The following GRIA1 variants were observed in gnomAD, a reference collection of about 807,000 sequenced individuals.
GRIA1 encodes the protein glutamate receptor 1.
A neutral mutation model predicts 99.2 loss-of-function variants in GRIA1; 31 were observed. That is an observed-to-expected ratio of 0.31 (90% CI 0.23 to 0.42). The LOEUF (loss-of-function observed/expected upper bound fraction) is 0.42, where lower values mean the gene tolerates loss of function less well. Ranked by LOEUF, GRIA1 falls within the 10% of genes least tolerant of loss-of-function variation. GRIA1 has a pLI of 1.00. For missense variants in GRIA1, 782 were observed against 1,157.5 expected (o/e 0.68, Z 4.71); for synonymous variants, 438 against 432.4 (o/e 1.01, Z -0.16).
At chr5:153,805,262 T>C (rs1766350986) in intron 15 of GRIA1, among the ~76,000 whole-genome samples, 1 of 152,172 alleles carries the variant, frequency 6.6e-6, no homozygotes, top group South Asian at 2.1e-4. Flanking sequence ...AAACTTTCCT[T>C]TTATTATCCC....
At chr5:153,654,462 T>C (rs1265203779) in intron 4 of GRIA1, among the ~76,000 whole-genome samples, 2 of 152,078 alleles carry the variant, frequency 1.3e-5, no homozygotes, top group Admixed American at 1.3e-4. Context: ...TTGATAAAGG[T>C]GTCTCATTGT....
At chr5:153,609,315 G>T (rs969357024) in intron 2 of GRIA1, among the ~76,000 whole-genome samples, 13 of 152,020 alleles carry the variant, frequency 8.6e-5, no homozygotes, top group Middle Eastern at 6.8e-3. Context: ...TAAATATTTT[G>T]CCCAGCTTTT....
chr5:153,512,967 C>T (rs1464759117), intron 2 of GRIA1, among the ~76,000 whole-genome samples: 1 of 152,084 alleles, frequency 6.6e-6, no homozygotes, highest in Non-Finnish European at 1.5e-5. Flanking sequence ...GCACATGCAC[C>T]AAAGTAAGGT....
At chr5:153,521,828 C>T (rs1232718612) in intron 2 of GRIA1, among the ~76,000 whole-genome samples, 1 of 152,232 alleles carries the variant, frequency 6.6e-6, no homozygotes, top group East Asian at 1.9e-4. Context: ...CCACATCTCA[C>T]ATTGAATCTG....
chr5:153,658,739 G>C (rs756972414), intron 5 of GRIA1, among the ~76,000 whole-genome samples: 5 of 152,148 alleles, frequency 3.3e-5, no homozygotes, highest in African/African-American at 9.7e-5. Context: ...AGAGACCAAG[G>C]AAGGCTTTGA....
At chr5:153,793,650 C>T (rs1765457099) in intron 13 of GRIA1, among the ~76,000 whole-genome samples, 1 of 152,206 alleles carries the variant, frequency 6.6e-6, no homozygotes, top group Admixed American at 6.5e-5. Context: ...TGAACAGGGT[C>T]TCAGAGGGCA....
At chr5:153,697,017 A>G (rs527654775) in intron 8 of GRIA1, among the ~76,000 whole-genome samples, 111 of 152,316 alleles carry the variant, frequency 7.3e-4, no homozygotes, top group Non-Finnish European at 1.4e-3. Context: ...CTTTTGGGCT[A>G]ACTCTATCTT....
chr5:153,529,656 G>A (rs916289732), intron 2 of GRIA1, among the ~76,000 whole-genome samples: 2 of 152,162 alleles, frequency 1.3e-5, no homozygotes, highest in Non-Finnish European at 2.9e-5. Context: ...AAACGTGCAG[G>A]ATTGCAGACT....
chr5:153,731,432 C>T lies in GRIA1; in HGVS notation c.1823+25365C>T, dbSNP rs577214365. ...CTTTCTCAGGGGACCCTTTCCTGAT[C>T]TCAGCTCCACCTGCTAGGACAGCCT... On this transcript the variant is annotated intron_variant, in intron 11 of 15. Transcript: ENST00000285900. 1.3e-4 allele frequency among the ~76,000 whole-genome samples: 20 copies of T among 152,164 alleles called. No individual in the cohort carries two copies. The South Asian group carries it at 4.2e-3, about 32-fold the overall frequency.
chr5:153,757,100 A>C (rs1762882580), intron 11 of GRIA1, among the ~76,000 whole-genome samples: 1 of 152,232 alleles, frequency 6.6e-6, no homozygotes, highest in Admixed American at 6.5e-5. Flanking sequence ...TTTAACAGAG[A>C]GATTGCAACA....
At chr5:153,781,040 G>A (rs1764595482) in intron 13 of GRIA1, among the ~76,000 whole-genome samples, 1 of 152,158 alleles carries the variant, frequency 6.6e-6, no homozygotes. Flanking sequence ...AACCCATGCT[G>A]AGAAATTCCC....
At chr5:153,791,049 C>T (rs895754514) in intron 13 of GRIA1, among the ~76,000 whole-genome samples, 3 of 152,070 alleles carry the variant, frequency 2.0e-5, no homozygotes, top group African/African-American at 7.2e-5. Context: ...AGTGAATCTG[C>T]TGGAGGGCAA....
chr5:153,524,085 TG>T (rs1223940463), intron 2 of GRIA1, among the ~76,000 whole-genome samples: 2 of 152,204 alleles, frequency 1.3e-5, no homozygotes. Flanking sequence ...CCCAGCACTT[TG>T]GGACGCTGAG....
chr5:153,622,763 G>A (rs1767181325), intron 2 of GRIA1, among the ~76,000 whole-genome samples: 1 of 152,088 alleles, frequency 6.6e-6, no homozygotes, highest in South Asian at 2.1e-4. Context: ...ACTCCACCAA[G>A]CTCTTTGCTG....
chr5:153,725,382 A>G (rs1760440470), intron 11 of GRIA1, among the ~76,000 whole-genome samples: 1 of 149,974 alleles, frequency 6.7e-6, no homozygotes, highest in South Asian at 2.2e-4. Flanking sequence ...GACAGGATCA[A>G]ATTCACACAT....
intron 11 of GRIA1, among the ~76,000 whole-genome samples, chr5:153,761,875 T>C (rs1371836478): frequency 6.6e-6 from 1 of 152,212 alleles, no homozygotes; most frequent in Admixed American, 6.5e-5. Flanking sequence ...ACAACATGGA[T>C]GGACCTAGAA....
At chr5:153,768,188 T>C (rs1763643738) in intron 12 of GRIA1, among the ~76,000 whole-genome samples, 1 of 152,214 alleles carries the variant, frequency 6.6e-6, no homozygotes, top group African/African-American at 2.4e-5. Flanking sequence ...GCAGACCTTA[T>C]GATTAGTTCT....
intron 11 of GRIA1, among the ~76,000 whole-genome samples, chr5:153,729,423 G>T (rs1760844627): frequency 6.6e-6 from 1 of 151,800 alleles, no homozygotes; most frequent in African/African-American, 2.4e-5. Flanking sequence ...TGAAAAAAGA[G>T]AAAAAGTAGA....
intron 8 of GRIA1, among the ~76,000 whole-genome samples, chr5:153,686,943 C>A (rs1308567135): frequency 2.0e-5 from 3 of 152,128 alleles, no homozygotes; most frequent in African/African-American, 7.2e-5. Flanking sequence ...CTCTCCACTC[C>A]AGTCATTCTG....
Sources: gnomAD v4.1 joint callset for allele counts (sites outside exome capture counted in the v4.1 genomes callset) on GRCh38, gnomAD v4.1.1 for gene constraint, MANE v1.5 for transcripts, NCBI Gene and HGNC (gene_info 2026-07-23, HGNC 2026-07-21) for gene names.